NUP50: variants seen among roughly 807,000 people sequenced by gnomAD.
NUP50 encodes the protein nucleoporin 50.
Under a neutral mutation model 36.8 loss-of-function variants are expected in NUP50, and 14 were observed. That is an observed-to-expected ratio of 0.38 (90% confidence interval 0.25 to 0.59). The LOEUF is 0.59. NUP50 is among the 20% of genes least tolerant of loss of function. The pLI is 0.63. For missense variants in NUP50, 455 were observed against 564.6 expected (o/e 0.81, Z 1.97); for synonymous variants, 195 against 210.8 (o/e 0.93, Z 0.65).
Position 45,186,772 on chromosome 22 carries a change from C to T in NUP50, c.*2117C>T, listed in dbSNP as rs537571847. On this transcript the variant is annotated 3_prime_UTR_variant, in exon 8 of 8. Coordinates refer to ENST00000347635, the MANE Select transcript of NUP50 (RefSeq NM_007172.4). ...ACAGGGAAAAATGTGATGAATATAC[C>T]GTAACTCAAAATGTGATATTTTCTT... The T allele has an allele frequency of 5.9e-5, 9 of 152,664 alleles. No individual in the cohort carries two copies. The South Asian group carries it at 8.3e-4, about 14-fold the overall frequency. The allele number at this position is 152,664 out of a possible 1,614,324, so 9.5% of individuals were successfully genotyped here. A position where few individuals can be genotyped will look rare whatever the true frequency, so the allele number is the denominator to read the frequency against.
chr22:45,170,892 C>T (rs2074181402), intron 2 of NUP50: 3 of 863,304 alleles, frequency 3.5e-6, no homozygotes, highest in Admixed American at 5.9e-5. Context: ...CAGATGGTCC[C>T]CTCTATGAGT....
Position 45,187,936 on chromosome 22 carries a change from T to G in NUP50, c.*3281T>G, listed in dbSNP as rs2083467189. ...ATTGTCAGACAATATAATCTCAGCT[T>G]GTATTAGTTTTTGAATGCTCCCATC... On this transcript the variant is annotated 3_prime_UTR_variant, in exon 8 of 8. Transcript: ENST00000347635. 6.5e-6 allele frequency: 1 copy of G among 152,690 alleles called. No individual in the cohort carries two copies. Among genetic ancestry groups the G allele is most frequent in the African/African-American group, 2.4e-5 (1 of 41,466 alleles). The allele number at this position is 152,690 out of a possible 1,614,324, so 9.5% of individuals were successfully genotyped here. A position where few individuals can be genotyped will look rare whatever the true frequency, so the allele number is the denominator to read the frequency against.
chr22:45,164,676 G>C (rs1405416030), intron 1 of NUP50: 4 of 152,418 alleles, frequency 2.6e-5, no homozygotes, highest in Non-Finnish European at 5.9e-5. Flanking sequence ...ACGCAGCCCC[G>C]GCTGTTTTTG....
In NUP50 at chr22:45,168,212, A is replaced by T; in HGVS notation, c.35A>T (p.Asp12Val). Residue 12 changes from aspartate (D) to valine (V), a missense_variant, in exon 2 of 8, where the codon GAT (aspartate) becomes GTT (valine). By Grantham distance (152) the Asp-to-Val change is radical. Around this residue, in one of 3 missense-constraint regions of NUP50, gnomAD observed 166 missense variants for 202.8 expected, o/e 0.82. Transcript: ENST00000347635. ...AGAAATGCCGAGAAGGAACTGACAG[A>T]TAGGAATTGGGATCAAGAAGATGAA... ...AKRNAEKELT[D>V]RNWDQEDEAE... The T allele has an allele frequency of 1.2e-6, 2 of 1,612,382 alleles. No individual in the cohort carries two copies. Among genetic ancestry groups the T allele is most frequent in the Non-Finnish European group, 8.5e-7 (1 of 1,179,474 alleles).
At chr22:45,168,433 CTAGT>C (rs1274678051) in intron 2 of NUP50, among the ~76,000 whole-genome samples, 187 bp downstream of exon 2, 3 of 151,908 alleles carry the variant, frequency 2.0e-5, no homozygotes, top group Admixed American at 6.6e-5. Context: ...TCTGTGACCT[CTAGT>C]TAGTGTAGAA....
chr22:45,172,178 A>G (rs1435332150), intron 3 of NUP50: 1 of 155,012 alleles, frequency 6.5e-6, no homozygotes, highest in African/African-American at 2.4e-5. Flanking sequence ...TGTGCTGATT[A>G]TTAAGCAGTC....
chr22:45,171,534 G>A (rs1035984127), intron 2 of NUP50, 66 bp from the exon 3 acceptor site: 10 of 1,393,358 alleles, frequency 7.2e-6, no homozygotes, highest in African/African-American at 1.4e-5. Context: ...GCTTGTTGTT[G>A]TTGTTGAGGA....
At position 45,164,166 on chromosome 22, in the gene NUP50, G is replaced by T. The variant is rs917571006; in HGVS notation, c.-141G>T. 3 of 152,312 alleles carry T rather than the reference G, an allele frequency of 2.0e-5. No individual in the cohort carries two copies. The highest frequency in any genetic ancestry group is 2.0e-4 in the Admixed American group (3 of 15,284). The allele number at this position is 152,312 out of a possible 1,614,324, so 9.4% of individuals were successfully genotyped here. Reference sequence around the variant, plus strand: ...CCGAGCACTAAGTCCTCTGAGTTCCGCAGCGCAGCACCGGAAGCGGCCGAG... The same window carrying T: ...CCGAGCACTAAGTCCTCTGAGTTCCTCAGCGCAGCACCGGAAGCGGCCGAG... On this transcript the variant is annotated 5_prime_UTR_variant, in exon 1 of 8. Coordinates refer to ENST00000347635, the MANE Select transcript of NUP50 (RefSeq NM_007172.4).
chr22:45,170,310 T>G (rs2074168068), intron 2 of NUP50, among the ~76,000 whole-genome samples: 4 of 150,596 alleles, frequency 2.7e-5, no homozygotes, highest in Admixed American at 2.6e-4. Flanking sequence ...CTTTATTTCT[T>G]ACAATCTCTG....
At chr22:45,175,710 C>A in intron 3 of NUP50, 184 bp from the exon 4 acceptor site, 1 of 516,672 alleles carries the variant, frequency 1.9e-6, no homozygotes. Context: ...GGTTGCAAAG[C>A]TGTTCTTATG....
At chr22:45,164,447 G>T (rs2074061066) in intron 1 of NUP50, among the ~76,000 whole-genome samples, 151 bp downstream of exon 1, 1 of 151,956 alleles carries the variant, frequency 6.6e-6, no homozygotes, top group East Asian at 1.9e-4. Context: ...AGGGAGGTGC[G>T]GGTTCAGCGC....
intron 3 of NUP50, among the ~76,000 whole-genome samples, chr22:45,174,729 AAT>A (rs985319383): frequency 6.6e-6 from 1 of 152,210 alleles, no homozygotes; most frequent in African/African-American, 2.4e-5. Context: ...TGGAATTTTA[AAT>A]GATGAAAAAT....
rs2083452695 is a variant in NUP50, at chr22:45,186,837, A to T, written c.*2182A>T. 1 of 152,606 alleles carries T rather than the reference A, an allele frequency of 6.6e-6. No individual in the cohort carries two copies. The allele number at this position is 152,606 out of a possible 1,614,324, so 9.5% of individuals were successfully genotyped here. ...ATGCTTTAGGAACTGGTTGGTCTCC[A>T]CTTTGATTATTAGTGTAAAGAGCCT... is the stretch of plus-strand genomic sequence containing the variant. On this transcript the variant is annotated 3_prime_UTR_variant, in exon 8 of 8. Transcript: ENST00000347635.
chr22:45,172,153 C>T (rs1465756247), intron 3 of NUP50: 1 of 156,428 alleles, frequency 6.4e-6, no homozygotes, highest in African/African-American at 2.4e-5. Flanking sequence ...AGTTGTAACT[C>T]CTAAATTGAA....
At chr22:45,175,847 A>G (rs745330196) in intron 3 of NUP50, 47 bp from the exon 4 acceptor site, 2 of 1,591,990 alleles carry the variant, frequency 1.3e-6, no homozygotes, top group East Asian at 4.5e-5. Flanking sequence ...GCTTTTTGGT[A>G]ATAGAAAGTA....
chr22:45,181,396 T>C, intron 6 of NUP50, 29 bp downstream of exon 6: 2 of 1,473,634 alleles, frequency 1.4e-6, no homozygotes, highest in Non-Finnish European at 1.8e-6. Flanking sequence ...TGCTGGCGCA[T>C]GTGTTTTGCA....
intron 1 of NUP50, 108 bp from the exon 2 acceptor site, chr22:45,168,056 TAAAA>T (rs1222859944): frequency 7.6e-6 from 6 of 788,034 alleles, no homozygotes; most frequent in Non-Finnish European, 1.2e-5. Context: ...TTTTCCCTGA[TAAAA>T]AAACCAGAGA....
intron 5 of NUP50, 148 bp downstream of exon 5, chr22:45,179,048 T>C (rs1299298999): frequency 1.5e-6 from 1 of 679,420 alleles, no homozygotes. Flanking sequence ...CTAATCAGCT[T>C]CTCTGAGTTT....
At chr22:45,173,254 TATG>T (rs1349271408) in intron 3 of NUP50, among the ~76,000 whole-genome samples, 1 of 152,230 alleles carries the variant, frequency 6.6e-6, no homozygotes, top group African/African-American at 2.4e-5. Context: ...ATTATATACT[TATG>T]GTGTACAACA....
Sources: allele counts gnomAD v4.1 joint callset (sites outside exome capture counted in the v4.1 genomes callset), GRCh38; gene constraint gnomAD v4.1.1; regional missense constraint gnomAD v4.1.1; transcripts MANE v1.5; gene names NCBI Gene and HGNC (gene_info 2026-07-23, HGNC 2026-07-21).